FRMD5: variants seen among roughly 807,000 people sequenced by gnomAD.
FRMD5 encodes the protein FERM domain containing 5, also known as FERM domain-containing protein 5.
Under a neutral mutation model 69.0 loss-of-function variants are expected in FRMD5, and 20 were observed. The ratio of observed to expected loss-of-function variants is 0.29; its 90% CI spans 0.20 to 0.42. FRMD5 has a LOEUF of 0.42. FRMD5 is among the 10% of genes least tolerant of loss of function. The pLI is 1.00. For synonymous variants in FRMD5, 271 were observed against 260.1 expected, an observed-to-expected ratio of 1.04 and a Z score of -0.40; for missense variants, 595 against 708.6, an observed-to-expected ratio of 0.84 and a Z score of 1.82.
chr15:44,138,459 C>A (rs2077219204), intron 1 of FRMD5, among the ~76,000 whole-genome samples: 1 of 152,176 alleles, frequency 6.6e-6, no homozygotes, highest in Non-Finnish European at 1.5e-5. Flanking sequence ...AACACTTCAT[C>A]AGCAATAATG....
intron 1 of FRMD5, among the ~76,000 whole-genome samples, chr15:44,097,170 A>G (rs1365403072): frequency 6.6e-6 from 1 of 152,248 alleles, no homozygotes; most frequent in African/African-American, 2.4e-5. Context: ...AAGAAGTCCA[A>G]CAAAACCACT....
At chr15:44,133,498 C>A (rs147264131) in intron 1 of FRMD5, among the ~76,000 whole-genome samples, 4 of 148,166 alleles carry the variant, frequency 2.7e-5, no homozygotes, top group African/African-American at 1.0e-4. Context: ...ATGGCATGAA[C>A]CTGGGAGGCA....
At chr15:44,107,523 T>C (rs2076737002) in intron 1 of FRMD5, among the ~76,000 whole-genome samples, 1 of 152,194 alleles carries the variant, frequency 6.6e-6, no homozygotes, top group Non-Finnish European at 1.5e-5. Context: ...TCTGCCTCTT[T>C]TGGATATCTA....
At chr15:44,133,823 G>A (rs1177950151) in intron 1 of FRMD5, among the ~76,000 whole-genome samples, 1 of 151,828 alleles carries the variant, frequency 6.6e-6, no homozygotes, top group African/African-American at 2.4e-5. Context: ...GGTCATATCA[G>A]GCATACATAT....
chr15:43,906,536 C>T (rs1315201359), intron 5 of FRMD5, among the ~76,000 whole-genome samples: 1 of 152,124 alleles, frequency 6.6e-6, no homozygotes, highest in Non-Finnish European at 1.5e-5. Flanking sequence ...TTCGAGAGGC[C>T]TACAGAGTGG....
At chr15:44,093,698 G>A (rs1457416898) in intron 1 of FRMD5, among the ~76,000 whole-genome samples, 1 of 151,584 alleles carries the variant, frequency 6.6e-6, no homozygotes, top group African/African-American at 2.4e-5. Flanking sequence ...TCAGCCTCCA[G>A]AGTAGCTGGG....
At chr15:44,142,151 G>C (rs749079119) in intron 1 of FRMD5, among the ~76,000 whole-genome samples, 5 of 152,140 alleles carry the variant, frequency 3.3e-5, no homozygotes, top group Non-Finnish European at 5.9e-5. Flanking sequence ...GGTTTACATA[G>C]AGAACCCTAG....
At chr15:44,012,394 G>A (rs902146975) in intron 1 of FRMD5, among the ~76,000 whole-genome samples, 1 of 152,150 alleles carries the variant, frequency 6.6e-6, no homozygotes, top group Non-Finnish European at 1.5e-5. Context: ...CATTTAGTAA[G>A]AAGCTTTCTT....
intron 1 of FRMD5, among the ~76,000 whole-genome samples, chr15:44,109,782 C>G (rs1293442554): frequency 1.3e-5 from 2 of 152,174 alleles, no homozygotes; most frequent in Non-Finnish European, 2.9e-5. Context: ...TTTTACTGCC[C>G]TAAAAATCCT....
At chr15:44,131,616 G>C (rs1168332007) in intron 1 of FRMD5, among the ~76,000 whole-genome samples, 1 of 152,170 alleles carries the variant, frequency 6.6e-6, no homozygotes, top group Non-Finnish European at 1.5e-5. Flanking sequence ...CCTTTAAAAG[G>C]AAGGAAATTC....
intron 7 of FRMD5, among the ~76,000 whole-genome samples, chr15:43,901,622 C>G (rs2089047691): frequency 6.6e-6 from 1 of 152,210 alleles, no homozygotes; most frequent in Non-Finnish European, 1.5e-5. Flanking sequence ...TCGGCAGTGA[C>G]TGGCTGCCCC....
chr15:44,142,230 T>A (rs539143473), intron 1 of FRMD5, among the ~76,000 whole-genome samples: 1 of 152,302 alleles, frequency 6.6e-6, no homozygotes, highest in South Asian at 2.1e-4. Context: ...CAGTCCATAT[T>A]TTTCTATCTG....
chr15:44,185,742 G>A (rs1362139377), intron 1 of FRMD5, among the ~76,000 whole-genome samples: 2 of 151,242 alleles, frequency 1.3e-5, no homozygotes, highest in African/African-American at 4.9e-5. Flanking sequence ...GCAATGAGCC[G>A]ACATCATACC....
Position 43,873,996 on chromosome 15 carries a change from A to G in FRMD5, c.1602T>C (p.Asp534=). The part of the protein sequence containing the change: ...ESDLDIAFFR[D]IRQTPEFEQF... ...GTTCAAACTCGGGGGTCTGGCGGAT[A>G]TCACGGAAAAAGGCAATGTCAAGGT... Residue 534 remains aspartate, a synonymous_variant, in exon 14 of 14, where the codon GAT becomes GAC. Coordinates refer to ENST00000417257, the MANE Select transcript of FRMD5 (RefSeq NM_032892.5). The G allele has an allele frequency of 6.2e-7, 1 of 1,614,246 alleles. No individual in the cohort carries two copies. The highest frequency in any genetic ancestry group is 8.5e-7 in the Non-Finnish European group (1 of 1,180,042).
intron 1 of FRMD5, among the ~76,000 whole-genome samples, chr15:44,045,327 T>C (rs1892380704): frequency 6.6e-6 from 1 of 152,198 alleles, no homozygotes; most frequent in African/African-American, 2.4e-5. Flanking sequence ...TTTTTGAACG[T>C]GGCATTTATG....
chr15:44,114,930 A>C (rs2076848199), intron 1 of FRMD5, among the ~76,000 whole-genome samples: 1 of 152,210 alleles, frequency 6.6e-6, no homozygotes, highest in South Asian at 2.1e-4. Flanking sequence ...ATTTACTGCC[A>C]CAGAGGAATG....
chr15:43,879,148 G>C (rs568582051), intron 13 of FRMD5, among the ~76,000 whole-genome samples: 2 of 151,952 alleles, frequency 1.3e-5, no homozygotes, highest in Non-Finnish European at 2.9e-5. Flanking sequence ...ATGTTGGCCA[G>C]GCTGGTCTGA....
rs543511699 is a variant in FRMD5 at position 43,903,836 on chromosome 15, C to G, written c.552-1574G>C. ...TTGAACTAGGTTTCTGGAGGGCTGT[C>G]CCTACTATTCTGATGTCTCCTAAAG... On this transcript the variant is annotated intron_variant, in intron 6 of 13. Transcript: ENST00000417257. 3.9e-5 allele frequency among the ~76,000 whole-genome samples: 6 copies of G among 152,302 alleles called. No homozygotes were observed. The East Asian group carries it at 5.8e-4, about 15-fold the overall frequency.
intron 1 of FRMD5, among the ~76,000 whole-genome samples, chr15:44,140,325 A>C (rs2077250091): frequency 6.6e-6 from 1 of 152,160 alleles, no homozygotes; most frequent in African/African-American, 2.4e-5. Flanking sequence ...ATAGGGAGGA[A>C]ATCTAAATAG....
Sources: allele counts gnomAD v4.1 joint callset (sites outside exome capture counted in the v4.1 genomes callset), GRCh38; gene constraint gnomAD v4.1.1; transcripts MANE v1.5; gene names NCBI Gene and HGNC (gene_info 2026-07-23, HGNC 2026-07-21).